The following MED27 variants were observed in gnomAD, a reference collection of about 807,000 sequenced individuals.
The protein encoded by MED27 is mediator complex subunit 27.
In MED27, 30 loss-of-function variants were observed where a neutral mutation model predicts 38.2. The ratio of observed to expected loss-of-function variants is 0.79; its 90% CI spans 0.59 to 1.07. The LOEUF (loss-of-function observed/expected upper bound fraction) is 1.07. MED27 is among the 50% of genes least tolerant of loss of function. The pLI is 0.00. For missense variants in MED27, 289 were observed against 397.5 expected, an observed-to-expected ratio of 0.73 and a Z score of 2.32; for synonymous variants, 122 against 153.5, an observed-to-expected ratio of 0.79 and a Z score of 1.52.
intron 2 of MED27, among the ~76,000 whole-genome samples, chr9:132,042,512 A>C (rs888788733): frequency 6.6e-6 from 1 of 152,150 alleles, no homozygotes. Flanking sequence ...GACCTCTGGG[A>C]CTGAAGATCC....
intron 3 of MED27, among the ~76,000 whole-genome samples, chr9:131,940,483 TCAGCTCACTG>T (rs1830766738): frequency 6.6e-6 from 1 of 152,106 alleles, no homozygotes; most frequent in South Asian, 2.1e-4. Context: ...TGGTGCTATC[TCAGCTCACTG>T]CAACCTCCGC....
At chr9:131,974,043 A>G (rs925201074) in intron 3 of MED27, among the ~76,000 whole-genome samples, 2 of 152,022 alleles carry the variant, frequency 1.3e-5, no homozygotes, top group African/African-American at 4.8e-5. Flanking sequence ...TTCCCTCCAC[A>G]TTTATTAATC....
At chr9:132,004,187 T>A (rs1294797385) in intron 3 of MED27, among the ~76,000 whole-genome samples, 1 of 152,208 alleles carries the variant, frequency 6.6e-6, no homozygotes, top group Non-Finnish European at 1.5e-5. Flanking sequence ...GTCTGTGGCT[T>A]ATTGAACTGA....
At chr9:131,999,313 A>G in intron 3 of MED27, among the ~76,000 whole-genome samples, 1 of 152,208 alleles carries the variant, frequency 6.6e-6, no homozygotes, top group East Asian at 1.9e-4. Flanking sequence ...AAAGTTCCCA[A>G]AGCCGGTCCT....
In MED27 at chr9:131,861,671, A is replaced by G. The variant is rs1340742175; in HGVS notation, c.802-999T>C. On this transcript the variant is annotated intron_variant, in intron 7 of 7. Transcript: ENST00000292035. The surrounding 1 kb of genome is among the most constrained non-coding windows in gnomAD (Gnocchi z 4.4). ...TCTGTCTCTGCCACAAATAGTACTC[A>G]TGTCTGTGCCTCAAATCAATCAATC... 6.6e-6 allele frequency among the ~76,000 whole-genome samples: 1 copy of G among 152,038 alleles called. No individual in the cohort carries two copies. The highest frequency in any genetic ancestry group is 1.9e-4 in the East Asian group (1 of 5,192).
chr9:131,963,844 A>G (rs1170040752), intron 3 of MED27, among the ~76,000 whole-genome samples: 2 of 152,082 alleles, frequency 1.3e-5, no homozygotes, highest in Non-Finnish European at 2.9e-5. Flanking sequence ...TACCCTGACA[A>G]CCCGGAGAAA....
chr9:131,973,885 T>C (rs984539480), intron 3 of MED27, among the ~76,000 whole-genome samples: 4 of 144,324 alleles, frequency 2.8e-5, no homozygotes, highest in African/African-American at 1.0e-4. Flanking sequence ...TTTTTTCTAT[T>C]TTTTTTTTTT....
At chr9:132,068,207 T>C (rs1318925120) in intron 2 of MED27, among the ~76,000 whole-genome samples, 4 of 152,070 alleles carry the variant, frequency 2.6e-5, no homozygotes, top group Non-Finnish European at 4.4e-5. Context: ...CACACTCGCA[T>C]GCAGTATTCA....
At position 131,908,115 on chromosome 9, in the gene MED27, C is replaced by A. The variant is rs538702728; in HGVS notation, c.574-14123G>T. Among the ~76,000 whole-genome samples, 123 of 141,566 alleles carry A rather than the reference C, an allele frequency of 8.7e-4. 1 individual carries two copies. Among genetic ancestry groups the A allele is most frequent in the Non-Finnish European group, 1.6e-3 (102 of 62,754 alleles). The allele number at this position is 141,566 out of a possible 152,430, so 92.9% of individuals were successfully genotyped here. A position where few individuals can be genotyped will look rare whatever the true frequency, so the allele number is the denominator to read the frequency against. On this transcript the variant is annotated intron_variant, in intron 4 of 7. Transcript: ENST00000292035. ...GTCTCCGCCCGGCAGCCACCCTGTC[C>A]GGGAGGGAGGTGGGGGGGTCAGCCC...
intron 2 of MED27, among the ~76,000 whole-genome samples, chr9:132,030,572 G>A (rs1005580042): frequency 3.9e-5 from 6 of 152,060 alleles, no homozygotes; most frequent in South Asian, 2.1e-4. Flanking sequence ...ACCCAGAGAC[G>A]TTATTACTCT....
At chr9:131,957,423 T>A (rs1164696666) in intron 3 of MED27, among the ~76,000 whole-genome samples, 1 of 152,058 alleles carries the variant, frequency 6.6e-6, no homozygotes, top group Non-Finnish European at 1.5e-5. Flanking sequence ...TCCAACTAAT[T>A]TTTTTTATTT....
intron 3 of MED27, among the ~76,000 whole-genome samples, chr9:131,993,776 T>C (rs967534867): frequency 8.5e-5 from 13 of 152,180 alleles, no homozygotes; most frequent in African/African-American, 3.1e-4. Context: ...CTGGGGCCAC[T>C]GTCTGTGTGG....
chr9:131,907,831 G>A (rs533056760), intron 4 of MED27, among the ~76,000 whole-genome samples: 19 of 149,320 alleles, frequency 1.3e-4, no homozygotes, highest in African/African-American at 4.5e-4. Flanking sequence ...CTGCCCGGCC[G>A]CCCATCGTCT....
intron 2 of MED27, among the ~76,000 whole-genome samples, chr9:132,033,572 A>G (rs1833009327): frequency 6.6e-6 from 1 of 152,264 alleles, no homozygotes; most frequent in African/African-American, 2.4e-5. Context: ...GAATGTCATC[A>G]GAGTGTGGTA....
At chr9:132,035,805 A>C (rs529120629) in intron 2 of MED27, among the ~76,000 whole-genome samples, 60 of 152,160 alleles carry the variant, frequency 3.9e-4, no homozygotes, top group African/African-American at 1.3e-3. Flanking sequence ...TCTACCAAAA[A>C]ATTTTTAAAA....
chr9:132,032,315 C>T (rs1261944338), intron 2 of MED27: 3 of 151,818 alleles, frequency 2.0e-5, no homozygotes, highest in African/African-American at 7.3e-5. Flanking sequence ...TGGTGTTTAC[C>T]GAGAAAGTGA....
At chr9:131,981,549 CAGG>C (rs750139971) in intron 3 of MED27, among the ~76,000 whole-genome samples, 11 of 152,138 alleles carry the variant, frequency 7.2e-5, no homozygotes, top group Admixed American at 2.6e-4. Context: ...CAACTATTCC[CAGG>C]AGAAGGGACT....
At chr9:131,966,484 G>T (rs958808623) in intron 3 of MED27, among the ~76,000 whole-genome samples, 87 of 151,212 alleles carry the variant, frequency 5.8e-4, no homozygotes, top group Admixed American at 5.7e-3. Flanking sequence ...GCAAGAGGAA[G>T]CTTTATTTGT....
At chr9:131,985,471 T>C (rs1831829544) in intron 3 of MED27, among the ~76,000 whole-genome samples, 1 of 152,164 alleles carries the variant, frequency 6.6e-6, no homozygotes. Flanking sequence ...AGTGGTCCCA[T>C]AAGATTATAA....
Sources: gnomAD v4.1 joint callset for allele counts (sites outside exome capture counted in the v4.1 genomes callset) on GRCh38, gnomAD v4.1.1 for gene constraint, Gnocchi (gnomAD v3.1) non-coding constraint, MANE v1.5 for transcripts, NCBI Gene and HGNC (gene_info 2026-07-23, HGNC 2026-07-21) for gene names.